The following FNDC1 variants were observed in gnomAD, a reference collection of about 807,000 sequenced individuals.
FNDC1 encodes the protein fibronectin type III domain containing 1, also known as fibronectin type III domain-containing protein 1.
In FNDC1, 96 loss-of-function variants were observed where a neutral mutation model predicts 168.0. The observed-to-expected ratio is 0.57, with a 90% confidence interval of 0.48 to 0.68. FNDC1 has a LOEUF of 0.68. FNDC1 is among the 30% of genes least tolerant of loss of function. The pLI, the probability that FNDC1 is intolerant of heterozygous loss-of-function variation, is 0.00. For missense variants in FNDC1, 2,587 were observed against 2,482.1 expected (o/e 1.04, Z -0.90); for synonymous variants, 1,099 against 1,025.9 (o/e 1.07, Z -1.36).
rs373680452 is a variant in FNDC1, at chr6:159,238,700, A to G, written c.4180+35A>G. ...AATGGTTTTTAAAGAATAAAAGCCTACTGAATTAGCCATAGAATTACAGCT... is the reference window on the plus strand; with the variant it reads ...AATGGTTTTTAAAGAATAAAAGCCTGCTGAATTAGCCATAGAATTACAGCT... On this transcript the variant is annotated intron_variant, in intron 13 of 22. Coordinates refer to ENST00000297267, the MANE Select transcript of FNDC1 (RefSeq NM_032532.3). 4.4e-6 allele frequency: 6 copies of G among 1,355,638 alleles called. No homozygotes were observed. The African/African-American group carries it at 7.2e-5, about 16-fold the overall frequency. 84.0% of individuals were successfully genotyped at this position (1,355,638 alleles called of 1,614,324 possible).
At position 159,231,995 on chromosome 6, in the gene FNDC1, G is replaced by A; in HGVS notation, c.1483G>A (p.Ala495Thr). Reference sequence around the variant, plus strand: ...TTCCTCCCAACACCCCTCTGTGCCTGCTTCTCCCCAAGGGAGAAATGCCAA... The same window carrying A: ...TTCCTCCCAACACCCCTCTGTGCCTACTTCTCCCCAAGGGAGAAATGCCAA... ...PASSQHPSVP[A>T]SPQGRNAKDL... Residue 495 changes from alanine (A) to threonine (T), a missense_variant, in exon 11 of 23, where the codon GCT (alanine) becomes ACT (threonine). Ala to Thr is a moderately conservative substitution (Grantham distance 58). Coordinates refer to ENST00000297267, the MANE Select transcript of FNDC1 (RefSeq NM_032532.3). 6.2e-7 allele frequency: 1 copy of A among 1,613,934 alleles called. No homozygotes were observed. The highest frequency in any genetic ancestry group is 8.5e-7 in the Non-Finnish European group (1 of 1,179,880).
At chr6:159,226,610 T>C (rs1302585590) in intron 9 of FNDC1, 30 bp downstream of exon 9, 6 of 1,520,296 alleles carry the variant, frequency 3.9e-6, no homozygotes, top group Non-Finnish European at 5.4e-6. Flanking sequence ...AACTGTAAGA[T>C]GCATTGATTC....
intron 5 of FNDC1, 132 bp downstream of exon 5, chr6:159,215,283 A>G: frequency 1.2e-6 from 1 of 836,390 alleles, no homozygotes; most frequent in Non-Finnish European, 1.9e-6. Flanking sequence ...CAATGATTTG[A>G]ATCTCTACTG....
intron 17 of FNDC1, among the ~76,000 whole-genome samples, chr6:159,254,086 C>T (rs1488912469): frequency 5.9e-5 from 9 of 152,230 alleles, no homozygotes. Flanking sequence ...GGCTTCCAGG[C>T]CCAGCTTGCC....
chr6:159,169,732 G>T lies in FNDC1; in HGVS notation c.109+27G>T. On this transcript the variant is annotated intron_variant, in intron 1 of 22. Transcript: ENST00000297267. This position sits in a 1 kb window ranked among gnomAD's most constrained non-coding sequence, Gnocchi z 6.8. ...TACGCGCCGCGCCCGGGCCCCCGGCGCTCCTCAGCTCCCCGCGCACCCTCC... is the reference window on the plus strand; with the variant it reads ...TACGCGCCGCGCCCGGGCCCCCGGCTCTCCTCAGCTCCCCGCGCACCCTCC... 1 of 941,518 alleles carries T rather than the reference G, an allele frequency of 1.1e-6. No homozygotes were observed. The highest frequency in any genetic ancestry group is 1.3e-6 in the Non-Finnish European group (1 of 747,390). 58.3% of individuals were successfully genotyped at this position (941,518 alleles called of 1,614,324 possible). A position where few individuals can be genotyped will look rare whatever the true frequency, so the allele number is the denominator to read the frequency against.
Position 159,197,638 on chromosome 6 carries a change from C to T in FNDC1, c.304+13C>T. 6.3e-7 allele frequency: 1 copy of T among 1,599,562 alleles called. No individual in the cohort carries two copies. The highest frequency in any genetic ancestry group is 1.3e-5 in the African/African-American group (1 of 74,702). On this transcript the variant is annotated intron_variant, in intron 2 of 22. Transcript: ENST00000297267. Reference sequence around the variant, plus strand: ...ATTGAGGATGTGGGTAAGTGACACTCTGATCTTGTTCCCAGTCAGAATTAA... The same window carrying T: ...ATTGAGGATGTGGGTAAGTGACACTTTGATCTTGTTCCCAGTCAGAATTAA...
At chr6:159,257,579 G>A (rs1057276638) in intron 18 of FNDC1, among the ~76,000 whole-genome samples, 38 of 152,146 alleles carry the variant, frequency 2.5e-4, no homozygotes, top group African/African-American at 8.9e-4. Flanking sequence ...CGAGGAACAT[G>A]GAGGAGGTTG....
intron 1 of FNDC1, among the ~76,000 whole-genome samples, chr6:159,177,376 T>C (rs1394843601): frequency 1.3e-5 from 2 of 152,102 alleles, no homozygotes; most frequent in African/African-American, 4.8e-5. Context: ...TGCGGTGATG[T>C]CTCCTAATTT....
intron 22 of FNDC1, among the ~76,000 whole-genome samples, chr6:159,268,821 C>CATCTATCT (rs59375644): frequency 2.2e-4 from 32 of 146,056 alleles, no homozygotes; most frequent in African/African-American, 5.9e-4. Context: ...TCTATCTATT[C>CATCTATCT]ATCTATCTAT....
At chr6:159,242,906 G>C (rs1783459087) in intron 14 of FNDC1, among the ~76,000 whole-genome samples, 1 of 152,160 alleles carries the variant, frequency 6.6e-6, no homozygotes, top group Non-Finnish European at 1.5e-5. Context: ...TGGATATACA[G>C]CATTTTTTCC....
chr6:159,187,901 C>T (rs572993245), intron 1 of FNDC1, among the ~76,000 whole-genome samples: 1 of 152,302 alleles, frequency 6.6e-6, no homozygotes, highest in Admixed American at 6.5e-5. Flanking sequence ...TCCTCTGAAT[C>T]CTAGTCTCTA....
At chr6:159,236,504 C>G (rs1268840177) in intron 12 of FNDC1, among the ~76,000 whole-genome samples, 189 bp downstream of exon 12, 2 of 152,202 alleles carry the variant, frequency 1.3e-5, no homozygotes, top group Admixed American at 1.3e-4. Flanking sequence ...TGGTAACTAG[C>G]TTGTTTTCTT....
rs534963956 is a variant in FNDC1 at position 159,204,345 on chromosome 6, C to T, written c.460+3764C>T. Among the ~76,000 whole-genome samples, 6 of 152,244 alleles carry T rather than the reference C, an allele frequency of 3.9e-5. No individual in the cohort carries two copies. In the East Asian group the frequency reaches 9.7e-4, roughly 25 times the overall value. ...TATTCTCACCTCCTGGCTCTAACTG[C>T]CACCTCCCCTCATGGAGTTAAAGTT... is the stretch of plus-strand genomic sequence containing the variant. On this transcript the variant is annotated intron_variant, in intron 4 of 22. Coordinates refer to ENST00000297267, the MANE Select transcript of FNDC1 (RefSeq NM_032532.3).
intron 1 of FNDC1, among the ~76,000 whole-genome samples, chr6:159,173,918 C>T (rs761368820): frequency 2.0e-5 from 3 of 152,146 alleles, no homozygotes; most frequent in Non-Finnish European, 2.9e-5. Flanking sequence ...ATTCTTCCTA[C>T]CTCAAGGGAT....
chr6:159,193,588 G>A (rs79831127), intron 1 of FNDC1, among the ~76,000 whole-genome samples: 5,781 of 152,198 alleles, frequency 0.038, 400 homozygotes, highest in African/African-American at 0.13. Flanking sequence ...GAGACCTACC[G>A]CTGGACTCAG....
intron 1 of FNDC1, among the ~76,000 whole-genome samples, chr6:159,174,309 G>A (rs1303061809): frequency 6.6e-6 from 1 of 152,242 alleles, no homozygotes; most frequent in Non-Finnish European, 1.5e-5. Flanking sequence ...TTTGGAATCA[G>A]GGAGGTATGT....
At position 159,173,116 on chromosome 6, in the gene FNDC1, A is replaced by T. The variant is rs757852563; in HGVS notation, c.109+3411A>T. On this transcript the variant is annotated intron_variant, in intron 1 of 22. Transcript: ENST00000297267. ...AAGGATAGATAAAACTCACAGAAAC[A>T]TAACCTCCTTGGCATCCTCGTAAAT... Among the ~76,000 whole-genome samples, 2 of 152,254 alleles carry T rather than the reference A, an allele frequency of 1.3e-5. 1 individual carries two copies. Among genetic ancestry groups the T allele is most frequent in the South Asian group, 4.1e-4 (2 of 4,834 alleles).
intron 19 of FNDC1, among the ~76,000 whole-genome samples, chr6:159,264,189 C>T (rs1338012547): frequency 6.6e-6 from 1 of 152,176 alleles, no homozygotes; most frequent in Non-Finnish European, 1.5e-5. Flanking sequence ...TGAGCATATC[C>T]ATCTGCTGGA....
In FNDC1 at chr6:159,239,523, A is replaced by T; in HGVS notation, c.4187A>T (p.Glu1396Val). The change falls in exon 14 of 23, where the codon GAA (glutamate) becomes GTA (valine). Residue 1396 changes from glutamate (E) to valine (V), a missense_variant. Transcript: ENST00000297267. ...TTGGTTGATTTTGTTTCAGATCTGG[A>T]AGGGACCCCCGTGGTGAGTCCTGAC... ...GGDGRTIVDL[E>V]GTPVVSPDGL... 1 of 1,587,210 alleles carries T rather than the reference A, an allele frequency of 6.3e-7. No homozygotes were observed. The highest frequency in any genetic ancestry group is 8.6e-7 in the Non-Finnish European group (1 of 1,164,198).
Sources: gnomAD v4.1 joint callset for allele counts (sites outside exome capture counted in the v4.1 genomes callset) on GRCh38, gnomAD v4.1.1 for gene constraint, Gnocchi (gnomAD v3.1) non-coding constraint, MANE v1.5 for transcripts, NCBI Gene and HGNC (gene_info 2026-07-23, HGNC 2026-07-21) for gene names.